Variants in ESR1 observed in about 807,000 individuals in gnomAD.
ESR1 encodes the protein estrogen receptor 1.
Under a neutral mutation model 52.7 loss-of-function variants are expected in ESR1, and 12 were observed. The ratio of observed to expected loss-of-function variants is 0.23; its 90% CI spans 0.15 to 0.37. ESR1 has a LOEUF of 0.37. ESR1 is among the 10% of genes least tolerant of loss of function. The pLI, the probability that ESR1 is intolerant of heterozygous loss-of-function variation, is 1.00. For synonymous variants in ESR1, 305 were observed against 316.8 expected (o/e 0.96, Z 0.39); for missense variants, 584 against 779.7 (o/e 0.75, Z 2.99).
At chr6:151,895,787 G>T (rs1795402194) in intron 3 of ESR1, among the ~76,000 whole-genome samples, 1 of 152,038 alleles carries the variant, frequency 6.6e-6, no homozygotes, top group Admixed American at 6.6e-5. Context: ...TGTTTGATTT[G>T]GTTAGCTAGT....
intron 6 of ESR1, among the ~76,000 whole-genome samples, chr6:152,087,369 G>A (rs2049815913): frequency 6.6e-6 from 1 of 152,048 alleles, no homozygotes; most frequent in Non-Finnish European, 1.5e-5. Context: ...TTATACAAAC[G>A]TATTCACTTT....
At chr6:151,795,576 T>C (rs1776621317) in intron 2 of ESR1, among the ~76,000 whole-genome samples, 1 of 151,802 alleles carries the variant, frequency 6.6e-6, no homozygotes, top group African/African-American at 2.4e-5. Flanking sequence ...CATGGAGAGA[T>C]ACTATTTTGA....
chr6:151,841,856 T>A (rs1405286172), intron 1 of ESR1, among the ~76,000 whole-genome samples: 1 of 152,040 alleles, frequency 6.6e-6, no homozygotes, highest in Non-Finnish European at 1.5e-5. Context: ...AGGACTACAG[T>A]CACACATCAC....
chr6:151,711,108 T>C (rs1780570705), intron 2 of ESR1, among the ~76,000 whole-genome samples: 1 of 152,178 alleles, frequency 6.6e-6, no homozygotes, highest in Non-Finnish European at 1.5e-5. Context: ...TAGTTCTAGA[T>C]CCTTGAGAAA....
At chr6:151,741,820 G>A (rs945815827) in intron 2 of ESR1, among the ~76,000 whole-genome samples, 2 of 152,076 alleles carry the variant, frequency 1.3e-5, no homozygotes, top group African/African-American at 2.4e-5. Flanking sequence ...GCAAAAATGC[G>A]GAATACAGTA....
In ESR1 at chr6:151,808,193, TG is replaced by T; in HGVS notation, c.287del (p.Gly96ValfsTer13). On this transcript the variant is annotated frameshift_variant, in exon 1 of 8. Transcript: ENST00000206249. LOFTEE classifies it high-confidence loss of function. ...SEAAAFGSNG[L>X]GGFPPLNSVS... ...GCTGCGGCGTTCGGCTCCAACGGCC[TG>T]GGGGGTTTCCCCCCACTCAACAGCG... 3 of 1,576,984 alleles carry T rather than the reference TG, an allele frequency of 1.9e-6. No individual in the cohort carries two copies. Among genetic ancestry groups the T allele is most frequent in the Non-Finnish European group, 8.6e-7 (1 of 1,161,370 alleles).
rs79444375 is a variant in ESR1, at chr6:151,909,266, C to T, written c.760+28495C>T. On this transcript the variant is annotated intron_variant, in intron 3 of 7. Coordinates refer to ENST00000206249, the MANE Select transcript of ESR1 (RefSeq NM_000125.4). ...GGCACAGCTTCCATGGCCTGCTAGC[C>T]GTTTACAGCGAGGCAAAAGAGTAGA... 3.9e-4 allele frequency among the ~76,000 whole-genome samples: 59 copies of T among 152,258 alleles called. No individual in the cohort carries two copies. In the East Asian group the frequency reaches 7.5e-3, roughly 19 times the overall value.
At chr6:152,079,255 G>A (rs1325503663) in intron 6 of ESR1, among the ~76,000 whole-genome samples, 1 of 152,140 alleles carries the variant, frequency 6.6e-6, no homozygotes, top group Non-Finnish European at 1.5e-5. Flanking sequence ...CTTCAAACAG[G>A]CAGGTGCCCT....
intron 1 of ESR1, among the ~76,000 whole-genome samples, chr6:151,693,660 G>A (rs113774594): frequency 0.011 from 1,694 of 152,012 alleles, 25 homozygotes; most frequent in African/African-American, 0.038. Context: ...CTCTTTCACC[G>A]AGGCTGGAGT....
intron 1 of ESR1, among the ~76,000 whole-genome samples, chr6:151,821,201 G>A (rs996189579): frequency 8.6e-5 from 13 of 151,934 alleles, no homozygotes; most frequent in Non-Finnish European, 1.5e-4. Flanking sequence ...TTCACCGAGG[G>A]CATCAGACCA....
chr6:151,729,884 T>C (rs986268779), intron 2 of ESR1, among the ~76,000 whole-genome samples: 10 of 152,028 alleles, frequency 6.6e-5, no homozygotes, highest in Admixed American at 2.0e-4. Context: ...GCCCAGGAGT[T>C]TGAGATCAGC....
At chr6:151,767,016 C>G (rs1785110791) in intron 2 of ESR1, among the ~76,000 whole-genome samples, 1 of 152,206 alleles carries the variant, frequency 6.6e-6, no homozygotes, top group Non-Finnish European at 1.5e-5. Flanking sequence ...ATGAAGACAT[C>G]TGAGAAATGA....
intron 4 of ESR1, among the ~76,000 whole-genome samples, chr6:151,966,090 T>A (rs1482059010): frequency 6.6e-6 from 1 of 152,176 alleles, no homozygotes; most frequent in East Asian, 1.9e-4. Context: ...TCAGAATCGA[T>A]ATGTACTGTC....
At chr6:151,941,558 T>C (rs1197805309) in intron 3 of ESR1, among the ~76,000 whole-genome samples, 1 of 151,738 alleles carries the variant, frequency 6.6e-6, no homozygotes, top group African/African-American at 2.4e-5. Flanking sequence ...TTTTTTTTTT[T>C]CTAATGTTTC....
intron 5 of ESR1, among the ~76,000 whole-genome samples, chr6:152,030,737 A>G (rs1310742048): frequency 2.0e-5 from 3 of 152,216 alleles, no homozygotes; most frequent in African/African-American, 7.2e-5. Context: ...AACGAGACAG[A>G]AAATTAACAA....
At chr6:151,905,747 A>G (rs1797338144) in intron 3 of ESR1, among the ~76,000 whole-genome samples, 1 of 152,218 alleles carries the variant, frequency 6.6e-6, no homozygotes, top group South Asian at 2.1e-4. Flanking sequence ...TATAAGAAAG[A>G]TTTCATGAGA....
intron 2 of ESR1, among the ~76,000 whole-genome samples, chr6:151,870,723 T>C (rs1291282668): frequency 1.3e-5 from 2 of 152,202 alleles, no homozygotes; most frequent in African/African-American, 2.4e-5. Context: ...ATGGGAAGCA[T>C]GTGGGTTCTG....
intron 6 of ESR1, among the ~76,000 whole-genome samples, chr6:152,118,647 G>A (rs992651119): frequency 3.3e-5 from 5 of 151,922 alleles, no homozygotes; most frequent in African/African-American, 1.2e-4. Context: ...GAGCATTAGG[G>A]CAAATACCTA....
At chr6:151,926,866 C>CTGG (rs1426708939) in intron 3 of ESR1, among the ~76,000 whole-genome samples, 14 of 152,004 alleles carry the variant, frequency 9.2e-5, no homozygotes, top group Non-Finnish European at 4.4e-5. Flanking sequence ...ATTGCACTTG[C>CTGG]TGGTATTTCT....
Sources: gnomAD v4.1 joint callset for allele counts (sites outside exome capture counted in the v4.1 genomes callset) on GRCh38, gnomAD v4.1.1 for gene constraint, MANE v1.5 for transcripts, NCBI Gene and HGNC (gene_info 2026-07-23, HGNC 2026-07-21) for gene names.